The following DTNB variants were observed in gnomAD, a reference collection of about 807,000 sequenced individuals.
DTNB encodes dystrobrevin beta.
In DTNB, 63 loss-of-function variants were observed where a neutral mutation model predicts 90.7. That is an observed-to-expected ratio of 0.69 (90% CI 0.57 to 0.86). The LOEUF is 0.86. Among genes scored for constraint, DTNB ranks in the 40% least tolerant of loss-of-function variants. DTNB has a pLI of 0.00. For synonymous variants in DTNB, 277 were observed against 286.7 expected (o/e 0.97, Z 0.34); for missense variants, 744 against 807.1 (o/e 0.92, Z 0.95).
At chr2:25,668,110 A>G (rs987073617) in intron 1 of DTNB, among the ~76,000 whole-genome samples, 8 of 152,076 alleles carry the variant, frequency 5.3e-5, no homozygotes, top group East Asian at 3.9e-4. Flanking sequence ...ATGGTGGCGG[A>G]CGCCTGTAGT....
chr2:25,587,490 T>A (rs1168140322), intron 6 of DTNB, among the ~76,000 whole-genome samples: 1 of 152,164 alleles, frequency 6.6e-6, no homozygotes, highest in East Asian at 1.9e-4. Context: ...CACACTGGAC[T>A]GTGCCACCAA....
At chr2:25,543,797 A>G (rs1200757722) in intron 8 of DTNB, among the ~76,000 whole-genome samples, 1 of 151,766 alleles carries the variant, frequency 6.6e-6, no homozygotes, top group African/African-American at 2.4e-5. Flanking sequence ...TTGCTCTTTG[A>G]GTTTACTCTT....
At chr2:25,386,929 G>A (rs1371212689) in intron 18 of DTNB, among the ~76,000 whole-genome samples, 3 of 152,238 alleles carry the variant, frequency 2.0e-5, no homozygotes, top group African/African-American at 7.2e-5. Context: ...GGAAGTTTCA[G>A]AATGAGGTGG....
chr2:25,614,307 C>G (rs948123320), intron 4 of DTNB, among the ~76,000 whole-genome samples: 2 of 152,100 alleles, frequency 1.3e-5, no homozygotes, highest in Non-Finnish European at 2.9e-5. Context: ...CCTTGTCAAC[C>G]TCACACTGCA....
intron 15 of DTNB, among the ~76,000 whole-genome samples, chr2:25,423,230 C>T (rs550986019): frequency 1.3e-5 from 2 of 152,056 alleles, no homozygotes; most frequent in Non-Finnish European, 2.9e-5. Context: ...GAAGGAGGGT[C>T]CTTGATACTC....
chr2:25,437,469 C>G (rs1400382767), intron 12 of DTNB, among the ~76,000 whole-genome samples: 4 of 152,084 alleles, frequency 2.6e-5, no homozygotes, highest in Non-Finnish European at 5.9e-5. Context: ...ACCATGTTGG[C>G]TAGGCTGGTC....
chr2:25,524,675 G>C (rs2076763701), intron 9 of DTNB, among the ~76,000 whole-genome samples: 1 of 152,022 alleles, frequency 6.6e-6, no homozygotes, highest in Non-Finnish European at 1.5e-5. Flanking sequence ...CAGAAGAATG[G>C]CTCTGAGCTG....
At chr2:25,519,327 T>A (rs2075720376) in intron 9 of DTNB, among the ~76,000 whole-genome samples, 2 of 151,580 alleles carry the variant, frequency 1.3e-5, no homozygotes, top group Non-Finnish European at 2.9e-5. Flanking sequence ...ATCATGTCAC[T>A]GAACTTTAGC....
chr2:25,473,474 A>G (rs1359320631), intron 10 of DTNB, among the ~76,000 whole-genome samples: 1 of 152,208 alleles, frequency 6.6e-6, no homozygotes, highest in Non-Finnish European at 1.5e-5. Flanking sequence ...TGTTTTTTAA[A>G]AGCATGTGTG....
chr2:25,503,348 G>C (rs1198886228), intron 9 of DTNB, among the ~76,000 whole-genome samples: 1 of 151,906 alleles, frequency 6.6e-6, no homozygotes, highest in African/African-American at 2.4e-5. Flanking sequence ...TTAAAAATTA[G>C]ACAGGTGTGG....
chr2:25,584,065 T>G (rs1398229675), intron 6 of DTNB, among the ~76,000 whole-genome samples: 1 of 152,216 alleles, frequency 6.6e-6, no homozygotes, highest in African/African-American at 2.4e-5. Flanking sequence ...TTCTCATCTT[T>G]CAAGGGCTAA....
intron 8 of DTNB, among the ~76,000 whole-genome samples, chr2:25,540,901 C>T (rs2081087583): frequency 6.6e-6 from 1 of 151,668 alleles, no homozygotes; most frequent in Admixed American, 6.6e-5. Context: ...GACACAAACA[C>T]TGCGGAAGGC....
intron 8 of DTNB, among the ~76,000 whole-genome samples, chr2:25,557,920 C>T (rs764133876): frequency 6.6e-6 from 1 of 152,148 alleles, no homozygotes; most frequent in African/African-American, 2.4e-5. Flanking sequence ...CAGAAATGTC[C>T]ATGAGATCTC....
intron 16 of DTNB, among the ~76,000 whole-genome samples, chr2:25,391,430 A>T (rs1391208791): frequency 1.3e-5 from 2 of 152,334 alleles, no homozygotes; most frequent in South Asian, 2.1e-4. Flanking sequence ...ATAATATTTT[A>T]AAATGGGCAA....
chr2:25,384,120 T>A (rs2149514290), intron 18 of DTNB, among the ~76,000 whole-genome samples: 1 of 152,236 alleles, frequency 6.6e-6, no homozygotes, highest in East Asian at 1.9e-4. Flanking sequence ...TGCGGTCACA[T>A]CGCTCACTTT....
intron 9 of DTNB, among the ~76,000 whole-genome samples, chr2:25,514,359 A>G (rs895163644): frequency 2.0e-5 from 3 of 152,178 alleles, no homozygotes; most frequent in Non-Finnish European, 4.4e-5. Context: ...AGGAGGATAG[A>G]GCAATGGGAA....
intron 9 of DTNB, among the ~76,000 whole-genome samples, chr2:25,525,361 C>G (rs2076888843): frequency 1.3e-5 from 2 of 151,980 alleles, no homozygotes; most frequent in Non-Finnish European, 1.5e-5. Context: ...AAAAAAGATC[C>G]AAGCTGGGCG....
intron 1 of DTNB, among the ~76,000 whole-genome samples, chr2:25,656,877 A>G (rs570903926): frequency 2.7e-4 from 41 of 152,344 alleles, no homozygotes; most frequent in African/African-American, 9.6e-4. Context: ...CTTAAATCTA[A>G]AAGGGTTGAA....
intron 16 of DTNB, among the ~76,000 whole-genome samples, chr2:25,412,116 A>G (rs2149732295): frequency 6.6e-6 from 1 of 152,262 alleles, no homozygotes; most frequent in African/African-American, 2.4e-5. Flanking sequence ...TTTCTCTTAA[A>G]CTTACAAAGT....
Sources: gnomAD v4.1 joint callset for allele counts (sites outside exome capture counted in the v4.1 genomes callset) on GRCh38, gnomAD v4.1.1 for gene constraint, MANE v1.5 for transcripts, NCBI Gene and HGNC (gene_info 2026-07-23, HGNC 2026-07-21) for gene names.